The following CSMD1 variants were observed in gnomAD, a reference collection of about 807,000 sequenced individuals.
CSMD1 encodes CUB and sushi domain-containing protein 1.
Under a neutral mutation model 417.5 loss-of-function variants are expected in CSMD1, and 213 were observed. The observed-to-expected ratio is 0.51, with a 90% CI of 0.46 to 0.57. The LOEUF is 0.57. Among genes scored for constraint, CSMD1 ranks in the 20% least tolerant of loss-of-function variants. The pLI, the probability that CSMD1 is intolerant of heterozygous loss-of-function variation, is 0.00. For synonymous variants in CSMD1, 2,862 were observed against 1,736.8 expected, an observed-to-expected ratio of 1.65 and a Z score of -16.11; for missense variants, 6,923 against 4,529.7, an observed-to-expected ratio of 1.53 and a Z score of -15.17.
chr8:3,919,000 T>A (rs184656016), intron 5 of CSMD1, among the ~76,000 whole-genome samples: 47 of 152,018 alleles, frequency 3.1e-4, no homozygotes, highest in Non-Finnish European at 1.5e-5. Context: ...TGTAACCAAA[T>A]ACCACCTGCT....
At chr8:4,234,100 C>T (rs148165168) in intron 3 of CSMD1, among the ~76,000 whole-genome samples, 2 of 152,166 alleles carry the variant, frequency 1.3e-5, no homozygotes, top group African/African-American at 2.4e-5. Context: ...TACACAAGTA[C>T]ATCAAGTGCT....
intron 5 of CSMD1, among the ~76,000 whole-genome samples, chr8:3,782,614 G>C (rs1404493896): frequency 6.6e-6 from 1 of 152,164 alleles, no homozygotes; most frequent in Non-Finnish European, 1.5e-5. Context: ...CCTGCACGTT[G>C]TGCACATGTA....
At chr8:4,648,178 T>C (rs113010859) in intron 1 of CSMD1, among the ~76,000 whole-genome samples, 5,198 of 152,310 alleles carry the variant, frequency 0.034, 281 homozygotes, top group African/African-American at 0.12. Flanking sequence ...GATGTTGAGC[T>C]TTCTTTCTTA....
rs149643769 is a variant in CSMD1 at position 4,594,680 on chromosome 8, G to A, written c.302+42662C>T. Among the ~76,000 whole-genome samples, 44 of 152,204 alleles carry A rather than the reference G, an allele frequency of 2.9e-4. No individual in the cohort carries two copies. In the East Asian group the frequency reaches 5.8e-3, roughly 20 times the overall value. On this transcript the variant is annotated intron_variant, in intron 2 of 69. Transcript: ENST00000635120. ...CATTTTACTCTGCTGCCCATGTGTT[G>A]CCTTTGTAATCAAAACTAAAACCTT... is the stretch of plus-strand genomic sequence containing the variant.
At chr8:3,741,206 T>C (rs1165927493) in intron 6 of CSMD1, among the ~76,000 whole-genome samples, 1 of 100,124 alleles carries the variant, frequency 1.0e-5, no homozygotes, top group Non-Finnish European at 1.8e-5. Context: ...AGAGCAAGAC[T>C]CCGTCTTAAA....
intron 5 of CSMD1, among the ~76,000 whole-genome samples, chr8:3,863,002 TG>T (rs967751209): frequency 2.6e-5 from 4 of 152,330 alleles, no homozygotes; most frequent in African/African-American, 9.6e-5. Flanking sequence ...CCAACAGATT[TG>T]GTATCTGGTA....
chr8:4,381,372 G>T (rs976934633), intron 3 of CSMD1, among the ~76,000 whole-genome samples: 3 of 152,078 alleles, frequency 2.0e-5, no homozygotes, highest in Non-Finnish European at 2.9e-5. Context: ...ATGACCCTGT[G>T]GCTGTAAGAG....
At chr8:3,130,011 G>T (rs868724599) in intron 41 of CSMD1, among the ~76,000 whole-genome samples, 2 of 151,962 alleles carry the variant, frequency 1.3e-5, no homozygotes, top group Non-Finnish European at 2.9e-5. Context: ...GTTAAATGTT[G>T]AATATGGTAT....
chr8:4,949,992 G>A (rs1260099197), intron 1 of CSMD1, among the ~76,000 whole-genome samples: 2 of 151,976 alleles, frequency 1.3e-5, no homozygotes, highest in Non-Finnish European at 1.5e-5. Flanking sequence ...TATCTAATTG[G>A]TCACGACTAT....
intron 3 of CSMD1, among the ~76,000 whole-genome samples, chr8:4,211,365 C>G (rs974857892): frequency 3.3e-5 from 5 of 152,056 alleles, no homozygotes; most frequent in Non-Finnish European, 7.4e-5. Flanking sequence ...CCCTGTTTTT[C>G]TTTGAAGTAA....
intron 8 of CSMD1, among the ~76,000 whole-genome samples, chr8:3,589,718 T>C (rs1270670967): frequency 6.6e-6 from 1 of 152,176 alleles, no homozygotes; most frequent in African/African-American, 2.4e-5. Context: ...CAGCATATTG[T>C]ATACTTGAAA....
At chr8:3,618,234 G>A (rs1253383371) in intron 7 of CSMD1, among the ~76,000 whole-genome samples, 1 of 152,076 alleles carries the variant, frequency 6.6e-6, no homozygotes, top group Non-Finnish European at 1.5e-5. Flanking sequence ...TCAAACTCCT[G>A]GCTCAAGTGA....
At chr8:4,725,031 C>G (rs1809333164) in intron 1 of CSMD1, among the ~76,000 whole-genome samples, 1 of 152,028 alleles carries the variant, frequency 6.6e-6, no homozygotes. Flanking sequence ...AATATTTATA[C>G]TTTTGCTATT....
chr8:4,168,887 G>T (rs951474123), intron 3 of CSMD1, among the ~76,000 whole-genome samples: 1 of 152,060 alleles, frequency 6.6e-6, no homozygotes, highest in East Asian at 1.9e-4. Flanking sequence ...ATGATATCAG[G>T]ACTGCTTATC....
intron 3 of CSMD1, among the ~76,000 whole-genome samples, chr8:4,148,475 A>G (rs1174677650): frequency 6.6e-6 from 1 of 152,082 alleles, no homozygotes; most frequent in Non-Finnish European, 1.5e-5. Context: ...ATATGTAACG[A>G]ACCTGCACAT....
intron 3 of CSMD1, among the ~76,000 whole-genome samples, chr8:4,198,584 C>A (rs138375397): frequency 2.6e-5 from 4 of 152,018 alleles, no homozygotes; most frequent in South Asian, 4.2e-4. Flanking sequence ...AATTTTTCAG[C>A]GCCTTTGATT....
At chr8:4,312,023 TTA>T (rs1798612051) in intron 3 of CSMD1, among the ~76,000 whole-genome samples, 1 of 152,154 alleles carries the variant, frequency 6.6e-6, no homozygotes, top group South Asian at 2.1e-4. Context: ...TATGAAATTA[TTA>T]TAGTGTGTTG....
intron 5 of CSMD1, among the ~76,000 whole-genome samples, chr8:3,861,851 T>C (rs139614571): frequency 4.7e-4 from 72 of 152,318 alleles, no homozygotes; most frequent in African/African-American, 1.7e-3. Flanking sequence ...GGCTTTTAAA[T>C]GTCTAATGGA....
chr8:3,820,762 G>C (rs1483580596), intron 5 of CSMD1, among the ~76,000 whole-genome samples: 1 of 151,956 alleles, frequency 6.6e-6, no homozygotes, highest in East Asian at 1.9e-4. Context: ...TTTTTGTTTT[G>C]TTTTAGTGAT....
Sources: gnomAD v4.1 joint callset for allele counts (sites outside exome capture counted in the v4.1 genomes callset) on GRCh38, gnomAD v4.1.1 for gene constraint, MANE v1.5 for transcripts, NCBI Gene and HGNC (gene_info 2026-07-23, HGNC 2026-07-21) for gene names.